LYPD6B: variants seen among roughly 807,000 people sequenced by gnomAD.
LYPD6B encodes the protein ly6/PLAUR domain-containing protein 6B.
A neutral mutation model predicts 22.8 loss-of-function variants in LYPD6B; 17 were observed. That is an observed-to-expected ratio of 0.75 (90% CI 0.51 to 1.12). The LOEUF (loss-of-function observed/expected upper bound fraction) is 1.12, where lower values mean the gene tolerates loss of function less well. LYPD6B is among the 50% of genes most tolerant of loss of function. The probability of loss-of-function intolerance (pLI) is 0.00; values close to 1 mark genes in which losing one functional copy is unlikely to be tolerated. For synonymous variants in LYPD6B, 106 were observed against 91.6 expected (o/e 1.16, Z -0.90); for missense variants, 221 against 258.3 (o/e 0.86, Z 0.99).
chr2:149,161,749 G>C (rs549580739), intron 3 of LYPD6B, among the ~76,000 whole-genome samples: 2 of 152,164 alleles, frequency 1.3e-5, no homozygotes, highest in Non-Finnish European at 2.9e-5. Context: ...ATTATGAGCT[G>C]ATCTGGCCAG....
chr2:149,165,253 C>T (rs890752393), intron 3 of LYPD6B, among the ~76,000 whole-genome samples: 4 of 152,152 alleles, frequency 2.6e-5, no homozygotes, highest in African/African-American at 7.2e-5. Flanking sequence ...TCTTCTGCCA[C>T]ATTCTGTTGG....
intron 2 of LYPD6B, chr2:149,131,303 T>G: frequency 4.3e-6 from 1 of 235,052 alleles, no homozygotes; most frequent in Non-Finnish European, 8.2e-6. Flanking sequence ...GTGCTTCAGA[T>G]GGCTTTGAGT....
intron 6 of LYPD6B, among the ~76,000 whole-genome samples, chr2:149,213,356 A>G (rs1415311768): frequency 2.1e-5 from 3 of 144,838 alleles, no homozygotes; most frequent in African/African-American, 2.4e-5. Context: ...AACAGACTCC[A>G]TACAAAGATA....
chr2:149,117,625 A>G (rs1687072407), intron 1 of LYPD6B, among the ~76,000 whole-genome samples: 1 of 152,126 alleles, frequency 6.6e-6, no homozygotes, highest in Non-Finnish European at 1.5e-5. Context: ...CCTGGTCTGT[A>G]TATTAAGGCC....
intron 1 of LYPD6B, among the ~76,000 whole-genome samples, chr2:149,103,242 T>C (rs115812388): frequency 0.014 from 2,118 of 152,312 alleles, 50 homozygotes; most frequent in African/African-American, 0.048. Context: ...TGGTATCTAG[T>C]GGCAACGTTA....
At position 149,079,511 on chromosome 2, in the gene LYPD6B, A is replaced by G. The variant is rs558002160; in HGVS notation, c.-67+40710A>G. 4.0e-3 allele frequency among the ~76,000 whole-genome samples: 603 copies of G among 152,330 alleles called. 6 individuals carry two copies. Among genetic ancestry groups the G allele is most frequent in the Non-Finnish European group, 6.0e-3 (410 of 68,034 alleles). ...TTTGCTGGACTGCTGTTTTTGGAAGACAGTGTAGATTAATTCTATATTAAA... is the reference window on the plus strand; with the variant it reads ...TTTGCTGGACTGCTGTTTTTGGAAGGCAGTGTAGATTAATTCTATATTAAA... On this transcript the variant is annotated intron_variant, in intron 1 of 6. Coordinates refer to ENST00000409642, the MANE Select transcript of LYPD6B (RefSeq NM_177964.5).
At position 149,154,169 on chromosome 2, in the gene LYPD6B, G is replaced by A. The variant is rs76406582; in HGVS notation, c.6-6595G>A. Reference sequence around the variant, plus strand: ...AGTTCCAACCCCTAGTACCTTTGCAGATGTAATTAAGAATCTCAGGATGAG... The same window carrying A: ...AGTTCCAACCCCTAGTACCTTTGCAAATGTAATTAAGAATCTCAGGATGAG... On this transcript the variant is annotated intron_variant, in intron 2 of 6. Coordinates refer to ENST00000409642, the MANE Select transcript of LYPD6B (RefSeq NM_177964.5). 707 of 178,666 alleles carry A rather than the reference G, an allele frequency of 4.0e-3. 1 individual carries two copies. Among genetic ancestry groups the A allele is most frequent in the Non-Finnish European group, 5.8e-3 (604 of 105,032 alleles). The allele number at this position is 178,666 out of a possible 1,614,324, so 11.1% of individuals were successfully genotyped here.
rs77486792 is a variant in LYPD6B, at chr2:149,094,360, G to A, written c.-66-36523G>A. Among the ~76,000 whole-genome samples the A allele has an allele frequency of 3.2e-3, 481 of 152,314 alleles. 3 individuals are homozygous for A. Among genetic ancestry groups the A allele is most frequent in the African/African-American group, 0.01 (433 of 41,564 alleles). ...GTAACTTAGTTTCTGGAATGCCAGG[G>A]ACATGATATAATCTTGGGGAAAACA... is the stretch of plus-strand genomic sequence containing the variant. On this transcript the variant is annotated intron_variant, in intron 1 of 6. Coordinates refer to ENST00000409642, the MANE Select transcript of LYPD6B (RefSeq NM_177964.5).
chr2:149,045,606 A>G (rs1683272363), intron 1 of LYPD6B, among the ~76,000 whole-genome samples: 1 of 152,088 alleles, frequency 6.6e-6, no homozygotes, highest in Admixed American at 6.6e-5. Flanking sequence ...ATTTTCACTT[A>G]GTTTAAATAT....
At chr2:149,128,208 G>T (rs1687817767) in intron 1 of LYPD6B, among the ~76,000 whole-genome samples, 1 of 151,752 alleles carries the variant, frequency 6.6e-6, no homozygotes, top group Non-Finnish European at 1.5e-5. Context: ...ATTTCTTTTT[G>T]TACCTAGTCA....
intron 3 of LYPD6B, among the ~76,000 whole-genome samples, chr2:149,178,942 A>C (rs1262697296): frequency 1.3e-5 from 2 of 152,202 alleles, no homozygotes; most frequent in Non-Finnish European, 2.9e-5. Context: ...AGTATATATC[A>C]ATTTTCATTT....
At chr2:149,078,255 G>A (rs1684965712) in intron 1 of LYPD6B, among the ~76,000 whole-genome samples, 1 of 152,166 alleles carries the variant, frequency 6.6e-6, no homozygotes, top group African/African-American at 2.4e-5. Context: ...TCTGCACAGA[G>A]GCCTGAACAT....
chr2:149,130,671 G>A (rs896713606), intron 1 of LYPD6B, among the ~76,000 whole-genome samples: 2 of 152,080 alleles, frequency 1.3e-5, no homozygotes, highest in African/African-American at 4.8e-5. Context: ...TTCCATCTAT[G>A]TCCTGCCAAA....
chr2:149,097,739 G>A (rs10497052), intron 1 of LYPD6B, among the ~76,000 whole-genome samples: 18,297 of 152,176 alleles, frequency 0.12, 1,471 homozygotes, highest in East Asian at 0.39. Flanking sequence ...AGATTTATAC[G>A]AAGTTACAGA....
At chr2:149,169,299 CA>C (rs1282403213) in intron 3 of LYPD6B, among the ~76,000 whole-genome samples, 2 of 152,076 alleles carry the variant, frequency 1.3e-5, no homozygotes, top group African/African-American at 4.8e-5. Context: ...AAGCCAAAGG[CA>C]AACTCATGTT....
chr2:149,061,829 AAAGT>A (rs1333413903), intron 1 of LYPD6B, among the ~76,000 whole-genome samples: 2 of 152,318 alleles, frequency 1.3e-5, no homozygotes, highest in South Asian at 4.1e-4. Flanking sequence ...GTACATTATA[AAAGT>A]AAGCATCAAA....
chr2:149,053,156 C>T (rs1683640232), intron 1 of LYPD6B, among the ~76,000 whole-genome samples: 1 of 152,038 alleles, frequency 6.6e-6, no homozygotes, highest in Non-Finnish European at 1.5e-5. Flanking sequence ...ATGATAGATA[C>T]CTTTCATTCG....
chr2:149,094,041 A>G (rs1224144774), intron 1 of LYPD6B, among the ~76,000 whole-genome samples: 1 of 152,232 alleles, frequency 6.6e-6, no homozygotes, highest in Non-Finnish European at 1.5e-5. Flanking sequence ...ATGGATAGAA[A>G]GTGGTGGAAC....
intron 3 of LYPD6B, among the ~76,000 whole-genome samples, chr2:149,195,382 T>C (rs1692744944): frequency 6.6e-6 from 1 of 152,210 alleles, no homozygotes; most frequent in South Asian, 2.1e-4. Flanking sequence ...TGACACACAC[T>C]TGAGGCAATA....
Sources: allele counts gnomAD v4.1 joint callset (sites outside exome capture counted in the v4.1 genomes callset), GRCh38; gene constraint gnomAD v4.1.1; transcripts MANE v1.5; gene names NCBI Gene and HGNC (gene_info 2026-07-23, HGNC 2026-07-21).